Variants in COL7A1 observed in about 807,000 individuals in gnomAD.
The protein encoded by COL7A1 is collagen type VII alpha 1 chain.
COL7A1 carries 296 observed loss-of-function variants against 456.2 expected under a neutral mutation model. The ratio of observed to expected loss-of-function variants is 0.65; its 90% confidence interval spans 0.59 to 0.71. The LOEUF (loss-of-function observed/expected upper bound fraction) is 0.71. Among genes scored for constraint, COL7A1 ranks in the 30% least tolerant of loss-of-function variants. The probability of loss-of-function intolerance (pLI) is 0.00; values close to 1 mark genes in which losing one functional copy is unlikely to be tolerated. For missense variants in COL7A1, 3,441 were observed against 4,017.2 expected (o/e 0.86, Z 3.88); for synonymous variants, 1,464 against 1,525.9 (o/e 0.96, Z 0.95).
rs369674282 is a variant in COL7A1 at position 48,572,431 on chromosome 3, G to T, written c.6937-10C>A. 6.2e-6 allele frequency: 10 copies of T among 1,614,026 alleles called. No individual in the cohort carries two copies. In the Admixed American group the frequency reaches 1.0e-4, roughly 16 times the overall value. On this transcript the variant is annotated splice_polypyrimidine_tract_variant and intron_variant, in intron 89 of 118. Transcript: ENST00000681320. This position sits in a 1 kb window ranked among gnomAD's most constrained non-coding sequence, Gnocchi z 4.6. Reference sequence around the variant, plus strand: ...GGCCTCCAGGGGCTCCCTGGTAAGGGGGAGAGGTCAGTGGGATTCCTTGGC... The same window carrying T: ...GGCCTCCAGGGGCTCCCTGGTAAGGTGGAGAGGTCAGTGGGATTCCTTGGC...
Position 48,588,857 on chromosome 3 carries a change from C to G in COL7A1, c.2440+13G>C, listed in dbSNP as rs1257130926. 1.9e-6 allele frequency: 3 copies of G among 1,613,428 alleles called. No individual in the cohort carries two copies. In the African/African-American group the frequency reaches 4.0e-5, roughly 21 times the overall value. On this transcript the variant is annotated intron_variant, in intron 19 of 118. Transcript: ENST00000681320. This position sits in a 1 kb window ranked among gnomAD's most constrained non-coding sequence, Gnocchi z 4.6. ...CAGCCAGGAAGGACAGGGGTGGCGT[C>G]AGGGAGCCATACCTTCACTCCGGCC...
intron 36 of COL7A1, 38 bp downstream of exon 36, chr3:48,584,447 C>A (rs546949709): frequency 1.1e-5 from 18 of 1,613,540 alleles, no homozygotes; most frequent in African/African-American, 4.0e-5. Flanking sequence ...TTGGTCCCCC[C>A]ACTACACATC....
chr3:48,568,381 G>T lies in COL7A1; in HGVS notation c.7794+118C>A. ...AGGTGGGGGACCCTGGGTGACATGA[G>T]GACACCATGAGAGCACTGGGTCACT... On this transcript the variant is annotated intron_variant, in intron 105 of 118. Coordinates refer to ENST00000681320, the MANE Select transcript of COL7A1 (RefSeq NM_000094.4). The surrounding 1 kb of genome is among the most constrained non-coding windows in gnomAD (Gnocchi z 5.2). 2 of 1,155,282 alleles carry T rather than the reference G, an allele frequency of 1.7e-6. No homozygotes were observed. Among genetic ancestry groups the T allele is most frequent in the South Asian group, 1.4e-5 (1 of 72,484 alleles). 71.6% of individuals were successfully genotyped at this position (1,155,282 alleles called of 1,614,324 possible). A position where few individuals can be genotyped will look rare whatever the true frequency, so the allele number is the denominator to read the frequency against.
rs2043577816 is a variant in COL7A1, at chr3:48,565,736, A to G, written c.8408-68T>C. The G allele has an allele frequency of 4.8e-6, 7 of 1,448,616 alleles. No individual in the cohort carries two copies. The highest frequency in any genetic ancestry group is 4.8e-5 in the South Asian group (4 of 82,952). 89.7% of individuals were successfully genotyped at this position (1,448,616 alleles called of 1,614,324 possible). A position where few individuals can be genotyped will look rare whatever the true frequency, so the allele number is the denominator to read the frequency against. On this transcript the variant is annotated intron_variant, in intron 114 of 118. Transcript: ENST00000681320. The surrounding 1 kb of genome is among the most constrained non-coding windows in gnomAD (Gnocchi z 4.5). ...AGGATGGGAAGATGGAGAGACAGAC[A>G]GAGACACACAGGCAGAGGGGTAGAG...
Position 48,571,400 on chromosome 3 carries a change from T to C in COL7A1, c.7069-122A>G, listed in dbSNP as rs950558265. ...CCATGAACACATGGGAACTCAGACATGCGACCAAGAATTGGCTCACAGGAG... is the reference window on the plus strand; with the variant it reads ...CCATGAACACATGGGAACTCAGACACGCGACCAAGAATTGGCTCACAGGAG... On this transcript the variant is annotated intron_variant, in intron 92 of 118. Transcript: ENST00000681320. The surrounding 1 kb of genome is among the most constrained non-coding windows in gnomAD (Gnocchi z 4.6). The C allele has an allele frequency of 1.2e-5, 15 of 1,262,366 alleles. No individual in the cohort carries two copies. Among genetic ancestry groups the C allele is most frequent in the Non-Finnish European group, 2.3e-6 (2 of 876,874 alleles). 78.2% of individuals were successfully genotyped at this position (1,262,366 alleles called of 1,614,324 possible).
Position 48,588,702 on chromosome 3 carries a change from G to C in COL7A1, c.2527C>G (p.Arg843Gly), listed in dbSNP as rs1278021176. The stretch of plus-strand genomic sequence containing the variant: ...CGGTCCCCGACAAGTGCAGTCACTC[G>C]CACTGAGTAGCTGACTCCACCTTCG... ...GLEGGVSYSV[R>G]VTALVGDREG... The change falls in exon 20 of 119, where the codon CGA (arginine) becomes GGA (glycine). Residue 843 changes from arginine to glycine, a missense_variant. Arg to Gly is a moderately radical substitution (Grantham distance 125). Transcript: ENST00000681320. The surrounding 1 kb of genome is among the most constrained non-coding windows in gnomAD (Gnocchi z 4.6). 6.2e-7 allele frequency: 1 copy of C among 1,613,764 alleles called. No individual in the cohort carries two copies. Among genetic ancestry groups the C allele is most frequent in the Admixed American group, 1.7e-5 (1 of 60,018 alleles).
At position 48,580,801 on chromosome 3, in the gene COL7A1, C is replaced by G. The variant is rs2044697518; in HGVS notation, c.4980+81G>C. 1.3e-6 allele frequency: 2 copies of G among 1,592,124 alleles called. No homozygotes were observed. Among genetic ancestry groups the G allele is most frequent in the African/African-American group, 1.3e-5 (1 of 74,406 alleles). ...TGCCTCCCTGCAGGGACTCCCATCA[C>G]CCCTTACCCCCCTCAGCCTTTCCTA... On this transcript the variant is annotated intron_variant, in intron 54 of 118. Transcript: ENST00000681320. The surrounding 1 kb of genome is among the most constrained non-coding windows in gnomAD (Gnocchi z 4.5).
Position 48,568,210 on chromosome 3 carries a change from G to C in COL7A1, c.7795-40C>G. The C allele has an allele frequency of 6.2e-7, 1 of 1,601,384 alleles. No individual in the cohort carries two copies. Among genetic ancestry groups the C allele is most frequent in the Non-Finnish European group, 8.5e-7 (1 of 1,173,150 alleles). ...GTCCATGTGAGGTCAGAGGAGGTCA[G>C]TGAGGGACCAAAGAGAATCGCCCTG... On this transcript the variant is annotated intron_variant, in intron 105 of 118. Coordinates refer to ENST00000681320, the MANE Select transcript of COL7A1 (RefSeq NM_000094.4). This position sits in a 1 kb window ranked among gnomAD's most constrained non-coding sequence, Gnocchi z 5.2.
chr3:48,590,231 C>T lies in COL7A1; in HGVS notation c.2032G>A (p.Val678Ile). Residue 678 changes from valine (V) to isoleucine (I), a missense_variant, in exon 16 of 119, where the codon GTC becomes ATC. Physicochemically the swap from Val to Ile is conservative, Grantham distance 29. Coordinates refer to ENST00000681320, the MANE Select transcript of COL7A1 (RefSeq NM_000094.4). This position sits in a 1 kb window ranked among gnomAD's most constrained non-coding sequence, Gnocchi z 4.6. ...LRGREEGPAAVIVARTDPLGP... is the reference protein window; with the variant it reads ...LRGREEGPAAIIVARTDPLGP... ...GCCTGACCCGTTCGAGCCACGATGA[C>T]TGCAGCAGGGCCCTCCTCTCTGCCT... 1 of 1,613,582 alleles carries T rather than the reference C, an allele frequency of 6.2e-7. No individual in the cohort carries two copies. Among genetic ancestry groups the T allele is most frequent in the Non-Finnish European group, 8.5e-7 (1 of 1,179,924 alleles).
At position 48,569,143 on chromosome 3, in the gene COL7A1, C is replaced by A. The variant is rs1409198038; in HGVS notation, c.7686+232G>T. On this transcript the variant is annotated intron_variant, in intron 103 of 118. Coordinates refer to ENST00000681320, the MANE Select transcript of COL7A1 (RefSeq NM_000094.4). The surrounding 1 kb of genome is among the most constrained non-coding windows in gnomAD (Gnocchi z 4.9). ...GACACCCAAGGAGCCCCTTTCCTGTCCCTATAGGGCCCCTTCATAGGGCCA... is the reference window on the plus strand; with the variant it reads ...GACACCCAAGGAGCCCCTTTCCTGTACCTATAGGGCCCCTTCATAGGGCCA... Among the ~76,000 whole-genome samples, 1 of 152,080 alleles carries A rather than the reference C, an allele frequency of 6.6e-6. No homozygotes were observed. Among genetic ancestry groups the A allele is most frequent in the Non-Finnish European group, 1.5e-5 (1 of 67,984 alleles).
In COL7A1 at chr3:48,568,827, C is replaced by T; in HGVS notation, c.7715G>A (p.Gly2572Asp). ...KGSKGEPGDK[G>D]SAGLPGLRGL... ...ACGCAGTCCTGGCAACCCGGCTGAG[C>T]CCTTGTCACCAGGCTCTCCCTTGCT... Residue 2572 changes from glycine to aspartate, a missense_variant, in exon 104 of 119, where the codon GGC (glycine) becomes GAC (aspartate). Gly to Asp is a moderately conservative substitution (Grantham distance 94). Transcript: ENST00000681320. This position sits in a 1 kb window ranked among gnomAD's most constrained non-coding sequence, Gnocchi z 5.2. The T allele has an allele frequency of 6.3e-7, 1 of 1,576,910 alleles. No individual in the cohort carries two copies. Among genetic ancestry groups the T allele is most frequent in the Non-Finnish European group, 8.6e-7 (1 of 1,160,194 alleles).
At chr3:48,595,012 C>T in intron 2 of COL7A1, 63 bp downstream of exon 2, 8 of 1,352,140 alleles carry the variant, frequency 5.9e-6, no homozygotes, top group Non-Finnish European at 8.2e-6. Flanking sequence ...GGATGAAGGC[C>T]GAGTGGAGCG....
At position 48,591,435 on chromosome 3, in the gene COL7A1, G is replaced by C; in HGVS notation, c.1636+29C>G. The C allele has an allele frequency of 1.9e-6, 3 of 1,611,532 alleles. No homozygotes were observed. Among genetic ancestry groups the C allele is most frequent in the Non-Finnish European group, 1.7e-6 (2 of 1,178,846 alleles). On this transcript the variant is annotated intron_variant, in intron 13 of 118. Transcript: ENST00000681320. This position sits in a 1 kb window ranked among gnomAD's most constrained non-coding sequence, Gnocchi z 7.0. Reference sequence around the variant, plus strand: ...CTCAGGCTGGAACTTCAGTGTGTGTGGTGGGGGTGCTGGCTGCGTCCACCT... The same window carrying C: ...CTCAGGCTGGAACTTCAGTGTGTGTCGTGGGGGTGCTGGCTGCGTCCACCT...
chr3:48,595,055 T>C lies in COL7A1; in HGVS notation c.85+20A>G. 2 of 1,540,504 alleles carry C rather than the reference T, an allele frequency of 1.3e-6. No homozygotes were observed. Among genetic ancestry groups the C allele is most frequent in the Non-Finnish European group, 1.8e-6 (2 of 1,141,388 alleles). Reference sequence around the variant, plus strand: ...GCACGGTGCAGTGCCCCGGGCCGGGTCCTCCCTTGCGGTGCCCACCTCTCT... The same window carrying C: ...GCACGGTGCAGTGCCCCGGGCCGGGCCCTCCCTTGCGGTGCCCACCTCTCT... On this transcript the variant is annotated intron_variant, in intron 2 of 118. Transcript: ENST00000681320.
chr3:48,587,908 G>C lies in COL7A1; in HGVS notation c.2742C>G (p.Pro914=). 2 of 1,604,726 alleles carry C rather than the reference G, an allele frequency of 1.2e-6. No homozygotes were observed. Among genetic ancestry groups the C allele is most frequent in the South Asian group, 1.1e-5 (1 of 89,814 alleles). ...GGQEQSRVLG[P]ELSSYHLDGL... is the part of the protein sequence containing the mutation. ...CGTCCAGGTGATAGCTGCTGAGCTC[G>C]GGCCCCAGGACCCGGGACTGTTCCT... is the stretch of plus-strand genomic sequence containing the variant. Residue 914 remains proline (P), a synonymous_variant, in exon 22 of 119, where the codon CCC becomes CCG. Coordinates refer to ENST00000681320, the MANE Select transcript of COL7A1 (RefSeq NM_000094.4). This position sits in a 1 kb window ranked among gnomAD's most constrained non-coding sequence, Gnocchi z 6.1.
Position 48,591,663 on chromosome 3 carries a change from G to A in COL7A1, c.1507+10C>T, listed in dbSNP as rs537188035. On this transcript the variant is annotated intron_variant, in intron 12 of 118. Coordinates refer to ENST00000681320, the MANE Select transcript of COL7A1 (RefSeq NM_000094.4). This position sits in a 1 kb window ranked among gnomAD's most constrained non-coding sequence, Gnocchi z 7.0. Reference sequence around the variant, plus strand: ...CCCCCACTCACTGGCCCAGCCCACAGAGCCCTCACCAGTGGGAACCACGGT... The same window carrying A: ...CCCCCACTCACTGGCCCAGCCCACAAAGCCCTCACCAGTGGGAACCACGGT... 47 of 1,613,934 alleles carry A rather than the reference G, an allele frequency of 2.9e-5. 1 individual carries two copies. In the South Asian group the frequency reaches 5.1e-4, roughly 17 times the overall value.
chr3:48,567,642 GA>G lies in COL7A1; in HGVS notation c.7984-7del, dbSNP rs66737445. The G allele has an allele frequency of 0.034, 54,683 of 1,613,894 alleles. 1,247 individuals carry two copies. The highest frequency in any genetic ancestry group is 0.092 in the East Asian group (4,136 of 44,844). ...CCCGGCACACCAGGCTCCCCCTGGAGAAAAAAAGACATGAACTTGGCCCCCG... is the reference window on the plus strand; with the variant it reads ...CCCGGCACACCAGGCTCCCCCTGGAGAAAAAAGACATGAACTTGGCCCCCG... On this transcript the variant is annotated splice_region_variant and splice_polypyrimidine_tract_variant and intron_variant, in intron 108 of 118. Coordinates refer to ENST00000681320, the MANE Select transcript of COL7A1 (RefSeq NM_000094.4). This position sits in a 1 kb window ranked among gnomAD's most constrained non-coding sequence, Gnocchi z 4.3.
At position 48,574,879 on chromosome 3, in the gene COL7A1, G is replaced by A. The variant is rs2044180586; in HGVS notation, c.6280-14C>T. The A allele has an allele frequency of 6.2e-7, 1 of 1,613,596 alleles. No homozygotes were observed. Among genetic ancestry groups the A allele is most frequent in the Non-Finnish European group, 8.5e-7 (1 of 1,179,920 alleles). ...ATCCACAGACACCTACAAACACAAG[G>A]TCACAGGGGAGAGATGTCTCTGTCA... On this transcript the variant is annotated splice_polypyrimidine_tract_variant and intron_variant, in intron 76 of 118. Coordinates refer to ENST00000681320, the MANE Select transcript of COL7A1 (RefSeq NM_000094.4). This position sits in a 1 kb window ranked among gnomAD's most constrained non-coding sequence, Gnocchi z 5.0.
Position 48,591,079 on chromosome 3 carries a change from T to C in COL7A1, c.1637-263A>G, listed in dbSNP as rs944655847. 2.0e-5 allele frequency among the ~76,000 whole-genome samples: 3 copies of C among 152,138 alleles called. No individual in the cohort carries two copies. The South Asian group carries it at 6.2e-4, about 32-fold the overall frequency. On this transcript the variant is annotated intron_variant, in intron 13 of 118. Coordinates refer to ENST00000681320, the MANE Select transcript of COL7A1 (RefSeq NM_000094.4). This position sits in a 1 kb window ranked among gnomAD's most constrained non-coding sequence, Gnocchi z 7.0. ...TGTAGGATGACAGGAGTCAGTGGAC[T>C]GCAGTGAGAACTGATGAGCCATTGA...
Sources: gnomAD v4.1 joint callset for allele counts (sites outside exome capture counted in the v4.1 genomes callset) on GRCh38, gnomAD v4.1.1 for gene constraint, Gnocchi (gnomAD v3.1) non-coding constraint, MANE v1.5 for transcripts, NCBI Gene and HGNC (gene_info 2026-07-23, HGNC 2026-07-21) for gene names.